Variants in UQCRC1 observed in about 807,000 individuals in gnomAD.
UQCRC1 encodes the protein ubiquinol-cytochrome c reductase core protein 1, also known as cytochrome b-c1 complex subunit 1, mitochondrial.
In UQCRC1, 34 loss-of-function variants were observed where a neutral mutation model predicts 58.0. That is an observed-to-expected ratio of 0.59 (90% confidence interval 0.45 to 0.78). The LOEUF is 0.78. Among genes scored for constraint, UQCRC1 ranks in the 30% least tolerant of loss-of-function variants. The pLI is 0.00. For missense variants in UQCRC1, 610 were observed against 646.0 expected, an observed-to-expected ratio of 0.94 and a Z score of 0.60; for synonymous variants, 276 against 248.8, an observed-to-expected ratio of 1.11 and a Z score of -1.03.
intron 5 of UQCRC1, 23 bp downstream of exon 5, chr3:48,604,210 C>T: frequency 6.2e-7 from 1 of 1,610,714 alleles, no homozygotes; most frequent in Non-Finnish European, 8.5e-7. Flanking sequence ...AAGCATCCCC[C>T]CACAAGGCCA....
chr3:48,600,649 T>TCCCA (rs774801874), intron 9 of UQCRC1, 31 bp downstream of exon 9: 2 of 1,613,990 alleles, frequency 1.2e-6, no homozygotes, highest in Admixed American at 3.3e-5. Context: ...AAAGCCGCCA[T>TCCCA]CCCACCTAGG....
Position 48,600,804 on chromosome 3 carries a change from T to G in UQCRC1, c.1003A>C (p.Asn335His). Residue 335 changes from asparagine to histidine, a missense_variant, in exon 9 of 13, where the codon AAC becomes CAC. Physicochemically the swap from Asn to His is moderately conservative, Grantham distance 68 (BLOSUM62 1). Coordinates refer to ENST00000203407, the MANE Select transcript of UQCRC1 (RefSeq NM_003365.3). ...GTCTGGAAACTCTGGCATAGCTTGT[T>G]GGCCACAGCACCTGAAGCCAGTGGG... is the stretch of plus-strand genomic sequence containing the variant. ...SSPLASGAVA[N>H]KLCQSFQTFS... 3 of 1,614,112 alleles carry G rather than the reference T, an allele frequency of 1.9e-6. No homozygotes were observed. The highest frequency in any genetic ancestry group is 2.5e-6 in the Non-Finnish European group (3 of 1,180,034).
chr3:48,605,738 A>G (rs763186030), intron 3 of UQCRC1, 32 bp downstream of exon 3: 6 of 1,604,240 alleles, frequency 3.7e-6, no homozygotes, highest in African/African-American at 1.3e-5. Flanking sequence ...GGCAGCCCTA[A>G]GCCCAGAGGA....
At chr3:48,607,185 GCGCC>G (rs1416018830) in intron 2 of UQCRC1, among the ~76,000 whole-genome samples, 1 of 152,170 alleles carries the variant, frequency 6.6e-6, no homozygotes, top group African/African-American at 2.4e-5. Flanking sequence ...GGAACTACAG[GCGCC>G]CGCCACCACG....
Position 48,600,710 on chromosome 3 carries a change from T to C in UQCRC1, c.1097A>G (p.Asp366Gly). Reference sequence around the variant, plus strand: ...CCCTTGCAGGACGAACATCATGTCATCGATTTTCATTCGGTCACAGACAAA... The same window carrying C: ...CCCTTGCAGGACGAACATCATGTCACCGATTTTCATTCGGTCACAGACAAA... ...AHFVCDRMKIDDMMFVLQGQW... is the reference protein window; with the variant it reads ...AHFVCDRMKIGDMMFVLQGQW... The change falls in exon 9 of 13, where the codon GAT becomes GGT. Residue 366 changes from aspartate (D) to glycine (G), a missense_variant. Coordinates refer to ENST00000203407, the MANE Select transcript of UQCRC1 (RefSeq NM_003365.3). 1 of 1,614,172 alleles carries C rather than the reference T, an allele frequency of 6.2e-7. No individual in the cohort carries two copies. Among genetic ancestry groups the C allele is most frequent in the Non-Finnish European group, 8.5e-7 (1 of 1,180,036 alleles).
At chr3:48,609,436 T>G (rs2046444839) in intron 1 of UQCRC1, 116 bp downstream of exon 1, 9 of 1,511,916 alleles carry the variant, frequency 6.0e-6, no homozygotes, top group Non-Finnish European at 8.0e-6. Context: ...CGCCGTGACC[T>G]TCCCACGGCC....
chr3:48,599,600 A>T (rs2107842031), intron 12 of UQCRC1, 35 bp downstream of exon 12: 1 of 1,610,494 alleles, frequency 6.2e-7, no homozygotes, highest in South Asian at 1.1e-5. Flanking sequence ...CGGCCTGAGG[A>T]AATAAACAAA....
At chr3:48,599,826 C>A in intron 11 of UQCRC1, 116 bp from the exon 12 acceptor site, 1 of 1,215,388 alleles carries the variant, frequency 8.2e-7, no homozygotes, top group South Asian at 1.3e-5. Flanking sequence ...TGTCCCCAGC[C>A]CAAAAGAGGA....
At chr3:48,606,074 G>C (rs1226580395) in intron 2 of UQCRC1, among the ~76,000 whole-genome samples, 1 of 152,174 alleles carries the variant, frequency 6.6e-6, no homozygotes, top group Non-Finnish European at 1.5e-5. Context: ...TTGCTCTCCT[G>C]ATTGGCTATC....
chr3:48,603,418 C>T, intron 6 of UQCRC1, 146 bp downstream of exon 6: 1 of 728,940 alleles, frequency 1.4e-6, no homozygotes, highest in Non-Finnish European at 2.3e-6. Flanking sequence ...TCAGAGAGCA[C>T]AGGAGGAAGG....
rs1286883896 is a variant in UQCRC1, at chr3:48,600,048, A to G, written c.1302+15T>C. On this transcript the variant is annotated intron_variant, in intron 11 of 12. Transcript: ENST00000203407. ...AGGCCAAGACTCCAGAACCTCTCCC[A>G]GGGGTCCATGTTACCGCAATCCGGC... 1 of 1,613,928 alleles carries G rather than the reference A, an allele frequency of 6.2e-7. No individual in the cohort carries two copies. Among genetic ancestry groups the G allele is most frequent in the East Asian group, 2.2e-5 (1 of 44,902 alleles).
chr3:48,603,525 G>C (rs765189811), intron 6 of UQCRC1, 39 bp downstream of exon 6: 3 of 1,605,950 alleles, frequency 1.9e-6, no homozygotes, highest in Non-Finnish European at 2.6e-6. Context: ...CCAAGGCTGG[G>C]ACCCCACTAC....
intron 2 of UQCRC1, among the ~76,000 whole-genome samples, chr3:48,607,711 A>AG (rs1388688933): frequency 6.6e-6 from 1 of 152,148 alleles, no homozygotes; most frequent in Non-Finnish European, 1.5e-5. Context: ...GGTGTAAGCC[A>AG]CTGTGCCCCG....
rs1423920255 is a variant in UQCRC1, at chr3:48,609,035, G to A, written c.210+127C>T. ...GGTAGGGAATGGGGCCATTCTCGGGGTGAGTGGTCCTGGGTCCGAACCCAA... is the reference window on the plus strand; with the variant it reads ...GGTAGGGAATGGGGCCATTCTCGGGATGAGTGGTCCTGGGTCCGAACCCAA... On this transcript the variant is annotated intron_variant, in intron 2 of 12. Coordinates refer to ENST00000203407, the MANE Select transcript of UQCRC1 (RefSeq NM_003365.3). 3.0e-6 allele frequency: 4 copies of A among 1,312,692 alleles called. No individual in the cohort carries two copies. In the South Asian group the frequency reaches 4.5e-5, roughly 15 times the overall value. The allele number at this position is 1,312,692 out of a possible 1,614,324, so 81.3% of individuals were successfully genotyped here.
chr3:48,609,312 G>T lies in UQCRC1; in HGVS notation c.70-10C>A. The T allele has an allele frequency of 6.3e-7, 1 of 1,599,808 alleles. No homozygotes were observed. Among genetic ancestry groups the T allele is most frequent in the Non-Finnish European group, 8.5e-7 (1 of 1,170,008 alleles). ...TCCGCAGCAGGGCCGGCTGTGGAAG[G>T]GAACAGCCGCGAGTGAGGACTCGGT... On this transcript the variant is annotated splice_polypyrimidine_tract_variant and intron_variant, in intron 1 of 12. Coordinates refer to ENST00000203407, the MANE Select transcript of UQCRC1 (RefSeq NM_003365.3).
chr3:48,599,654 G>A lies in UQCRC1; in HGVS notation c.1359C>T (p.Cys453=), dbSNP rs373099492. 6.2e-6 allele frequency: 10 copies of A among 1,613,792 alleles called. No individual in the cohort carries two copies. Among genetic ancestry groups the A allele is most frequent in the Non-Finnish European group, 8.5e-6 (10 of 1,179,970 alleles). ...EICSKYIYDQ[C]PAVAGYGPIE... is the part of the protein sequence containing the mutation. ...ACTTACCATATCCAGCCACTGCTGG[G>A]CACTGGTCATAGATGTACTTGGAGC... Residue 453 remains cysteine, a synonymous_variant, in exon 12 of 13, where the codon TGC becomes TGT. Coordinates refer to ENST00000203407, the MANE Select transcript of UQCRC1 (RefSeq NM_003365.3).
In UQCRC1 at chr3:48,605,931, C is replaced by T; in HGVS notation, c.211-75G>A. On this transcript the variant is annotated intron_variant, in intron 2 of 12. Coordinates refer to ENST00000203407, the MANE Select transcript of UQCRC1 (RefSeq NM_003365.3). ...CCCTACTCACACCCCACCTGAGTGA[C>T]TCAGTACAAGCCCCAGGCAGGGACT... 3 of 1,434,938 alleles carry T rather than the reference C, an allele frequency of 2.1e-6. No individual in the cohort carries two copies. The Admixed American group carries it at 5.7e-5, about 27-fold the overall frequency. The allele number at this position is 1,434,938 out of a possible 1,614,324, so 88.9% of individuals were successfully genotyped here. A position where few individuals can be genotyped will look rare whatever the true frequency, so the allele number is the denominator to read the frequency against.
At chr3:48,599,383 C>A in intron 12 of UQCRC1, 191 bp from the exon 13 acceptor site, 3 of 737,652 alleles carry the variant, frequency 4.1e-6, no homozygotes, top group Non-Finnish European at 6.5e-6. Context: ...GAAGCCCCAC[C>A]CCACATGGAG....
chr3:48,603,078 C>T (rs2046380631), intron 6 of UQCRC1, among the ~76,000 whole-genome samples: 1 of 152,190 alleles, frequency 6.6e-6, no homozygotes, highest in African/African-American at 2.4e-5. Context: ...CACTCACCAC[C>T]TTTCAGGCTT....
Sources: gnomAD v4.1 joint callset for allele counts (sites outside exome capture counted in the v4.1 genomes callset) on GRCh38, gnomAD v4.1.1 for gene constraint, MANE v1.5 for transcripts, NCBI Gene and HGNC (gene_info 2026-07-23, HGNC 2026-07-21) for gene names.